The following SLC24A2 variants were observed in gnomAD, a reference collection of about 807,000 sequenced individuals.
SLC24A2 encodes sodium/potassium/calcium exchanger 2.
SLC24A2 carries 36 observed loss-of-function variants against 62.0 expected under a neutral mutation model. The observed-to-expected ratio is 0.58, with a 90% CI of 0.44 to 0.77. The LOEUF (loss-of-function observed/expected upper bound fraction) is 0.77. Ranked by LOEUF, SLC24A2 falls within the 30% of genes least tolerant of loss-of-function variation. The pLI, the probability that SLC24A2 is intolerant of heterozygous loss-of-function variation, is 0.00. For missense variants in SLC24A2, 846 were observed against 817.9 expected, an observed-to-expected ratio of 1.03 and a Z score of -0.42; for synonymous variants, 358 against 294.0, an observed-to-expected ratio of 1.22 and a Z score of -2.23.
At chr9:19,800,125 C>G in the SLC24A2 span, among the ~76,000 whole-genome samples, 1 of 152,068 alleles carries the variant, frequency 6.6e-6, no homozygotes, top group Non-Finnish European at 1.5e-5. Flanking sequence ...GATTTAGAGC[C>G]CACTCTAAAT....
intron 7 of SLC24A2, among the ~76,000 whole-genome samples, chr9:19,564,553 TATCA>T (rs5896844): frequency 0.74 from 111,611 of 151,722 alleles, 42,652 homozygotes; most frequent in East Asian, 1. Flanking sequence ...TCTATCTGTC[TATCA>T]ATCAATCACA....
chr9:19,734,294 T>A (rs985435677), intron 2 of SLC24A2, among the ~76,000 whole-genome samples: 1 of 152,186 alleles, frequency 6.6e-6, no homozygotes, highest in African/African-American at 2.4e-5. Context: ...TGTAGCCTTG[T>A]AGTATAGTTT....
At chr9:19,986,499 C>T in the SLC24A2 span, among the ~76,000 whole-genome samples, 1 of 152,064 alleles carries the variant, frequency 6.6e-6, no homozygotes, top group Admixed American at 6.6e-5. Context: ...ATGTTAATAA[C>T]AGCATTATTC....
intron 2 of SLC24A2, among the ~76,000 whole-genome samples, chr9:19,665,733 G>C (rs1819232924): frequency 6.6e-6 from 1 of 151,994 alleles, no homozygotes; most frequent in Non-Finnish European, 1.5e-5. Context: ...CAAGTGATCT[G>C]CCCACCTCAG....
chr9:19,923,242 C>A, the SLC24A2 span, among the ~76,000 whole-genome samples: 2 of 152,218 alleles, frequency 1.3e-5, no homozygotes, highest in South Asian at 4.1e-4. Context: ...CACCCAAGGA[C>A]TTACCATACT....
intron 2 of SLC24A2, among the ~76,000 whole-genome samples, chr9:19,686,421 T>G (rs1240423542): frequency 6.6e-6 from 1 of 152,014 alleles, no homozygotes; most frequent in Non-Finnish European, 1.5e-5. Context: ...ATACCTAAAG[T>G]AATATAAATC....
the SLC24A2 span, among the ~76,000 whole-genome samples, chr9:20,300,216 G>A: frequency 7.8e-4 from 118 of 152,226 alleles, no homozygotes; most frequent in Non-Finnish European, 1.3e-3. Context: ...TTACATCTTG[G>A]AAAATGGGGT....
the SLC24A2 span, among the ~76,000 whole-genome samples, chr9:20,166,620 G>C: frequency 6.6e-6 from 1 of 151,876 alleles, no homozygotes; most frequent in African/African-American, 2.4e-5. Context: ...TTTGCAAAAA[G>C]AAACACAGTA....
the SLC24A2 span, among the ~76,000 whole-genome samples, chr9:20,196,314 T>G: frequency 6.6e-6 from 1 of 152,160 alleles, no homozygotes; most frequent in Non-Finnish European, 1.5e-5. Flanking sequence ...AGTAATGAAG[T>G]GAAGTGAAAT....
the SLC24A2 span, among the ~76,000 whole-genome samples, chr9:19,805,896 C>T: frequency 6.6e-6 from 1 of 150,376 alleles, no homozygotes; most frequent in Non-Finnish European, 1.5e-5. Flanking sequence ...AGTGTGGGTC[C>T]CTGAGGCTTA....
chr9:19,813,881 A>G, the SLC24A2 span, among the ~76,000 whole-genome samples: 1 of 152,146 alleles, frequency 6.6e-6, no homozygotes, highest in Admixed American at 6.5e-5. Context: ...ATGGGCCCTC[A>G]TCAGACAGTA....
At chr9:20,070,285 A>G in the SLC24A2 span, among the ~76,000 whole-genome samples, 1 of 152,196 alleles carries the variant, frequency 6.6e-6, no homozygotes, top group Admixed American at 6.5e-5. Context: ...ACAGGACTCT[A>G]AAACTCAATA....
the SLC24A2 span, among the ~76,000 whole-genome samples, chr9:20,113,609 A>C: frequency 1.3e-3 from 202 of 152,308 alleles, no homozygotes; most frequent in Non-Finnish European, 2.4e-3. Context: ...AAATTTGTAA[A>C]ATATGGCATT....
chr9:20,170,149 AG>A, the SLC24A2 span, among the ~76,000 whole-genome samples: 2 of 150,350 alleles, frequency 1.3e-5, no homozygotes, highest in Admixed American at 6.6e-5. Context: ...AAAAAAAAAA[AG>A]AATAAGAAGA....
chr9:19,733,744 T>G (rs1405127671), intron 2 of SLC24A2, among the ~76,000 whole-genome samples: 1 of 152,196 alleles, frequency 6.6e-6, no homozygotes, highest in East Asian at 1.9e-4. Flanking sequence ...TTCTTAAGAC[T>G]CAATGGTTGT....
chr9:20,072,061 G>T, the SLC24A2 span, among the ~76,000 whole-genome samples: 3 of 152,118 alleles, frequency 2.0e-5, no homozygotes, highest in Non-Finnish European at 4.4e-5. Context: ...TGGATGAGTT[G>T]TTCTTTACCT....
chr9:19,551,680 C>A (rs918971374), intron 7 of SLC24A2, among the ~76,000 whole-genome samples: 2 of 152,290 alleles, frequency 1.3e-5, no homozygotes, highest in East Asian at 3.9e-4. Flanking sequence ...ACAGCGCCCC[C>A]CTCCAGCACC....
chr9:19,513,153 G>GATATATATATATATATATATATATAT lies in SLC24A2; in HGVS notation c.*2999_*3000insATATATATATATATATATATATATAT, dbSNP rs1188899124. On this transcript the variant is annotated 3_prime_UTR_variant, in exon 11 of 11. Coordinates refer to ENST00000341998, the MANE Select transcript of SLC24A2 (RefSeq NM_020344.4). Reference sequence around the variant, plus strand: ...TGTGTACATATAGATCTGGTATAAAGATATATATATATATATATATATGTA... The same window carrying GATATATATATATATATATATATATAT: ...TGTGTACATATAGATCTGGTATAAAGATATATATATATATATATATATATATATATATATATATATATATATATGTA... The GATATATATATATATATATATATATAT allele has an allele frequency of 3.0e-4, 24 of 80,510 alleles. No individual in the cohort carries two copies. The highest frequency in any genetic ancestry group is 8.3e-4 in the East Asian group (2 of 2,410). 5.0% of individuals were successfully genotyped at this position (80,510 alleles called of 1,614,324 possible).
At chr9:19,994,825 G>A in the SLC24A2 span, among the ~76,000 whole-genome samples, 1 of 152,188 alleles carries the variant, frequency 6.6e-6, no homozygotes, top group Non-Finnish European at 1.5e-5. Context: ...TGCTATTGAA[G>A]CCTTTGCACA....
Sources: gnomAD v4.1 joint callset for allele counts (sites outside exome capture counted in the v4.1 genomes callset) on GRCh38, gnomAD v4.1.1 for gene constraint, MANE v1.5 for transcripts, NCBI Gene and HGNC (gene_info 2026-07-23, HGNC 2026-07-21) for gene names.